CDC45: variants seen among roughly 807,000 people sequenced by gnomAD.
CDC45 encodes cell division control protein 45 homolog.
A neutral mutation model predicts 77.8 loss-of-function variants in CDC45; 54 were observed. That is an observed-to-expected ratio of 0.69 (90% CI 0.56 to 0.87). The LOEUF (loss-of-function observed/expected upper bound fraction) is 0.87. CDC45 is among the 40% of genes least tolerant of loss of function. The pLI, the probability that CDC45 is intolerant of heterozygous loss-of-function variation, is 0.00. For missense variants in CDC45, 649 were observed against 721.6 expected (o/e 0.90, Z 1.15); for synonymous variants, 260 against 272.1 (o/e 0.96, Z 0.44).
At position 19,516,653 on chromosome 22, in the gene CDC45, G is replaced by T; in HGVS notation, c.1559+8G>T. On this transcript the variant is annotated splice_region_variant and intron_variant, in intron 16 of 18. Transcript: ENST00000263201. The stretch of plus-strand genomic sequence containing the variant: ...CAGCTCGGACAGGAAGAAGTGAGCA[G>T]CTTCCACTCGTCCTGGGACTGGAGG... 1 of 1,599,876 alleles carries T rather than the reference G, an allele frequency of 6.3e-7. No individual in the cohort carries two copies. Among genetic ancestry groups the T allele is most frequent in the South Asian group, 1.1e-5 (1 of 90,794 alleles).
chr22:19,491,832 CT>C (rs987000040), intron 5 of CDC45, among the ~76,000 whole-genome samples: 195 of 144,906 alleles, frequency 1.3e-3, no homozygotes, highest in Non-Finnish European at 1.3e-3. Context: ...AGGTTTATGT[CT>C]TTTTTTTTTT....
rs2146446678 is a variant in CDC45 at position 19,516,814 on chromosome 22, C to T, written c.1560-3C>T. 1.2e-6 allele frequency: 2 copies of T among 1,613,996 alleles called. No individual in the cohort carries two copies. Among genetic ancestry groups the T allele is most frequent in the Non-Finnish European group, 1.7e-6 (2 of 1,179,864 alleles). On this transcript the variant is annotated splice_polypyrimidine_tract_variant and splice_region_variant and intron_variant, in intron 16 of 18. Coordinates refer to ENST00000263201, the MANE Select transcript of CDC45 (RefSeq NM_003504.5). ...GCCCCCGACATGTCTTGTGTGTCAG[C>T]AGCTTTTTTGGGAGGGCGTTTGAGA... is the stretch of plus-strand genomic sequence containing the variant.
chr22:19,519,880 GTT>G (rs539121841), intron 18 of CDC45, among the ~76,000 whole-genome samples: 386 of 152,254 alleles, frequency 2.5e-3, no homozygotes, highest in Middle Eastern at 0.02. Context: ...GACCCTCGGG[GTT>G]TTTGGCAAGT....
In CDC45 at chr22:19,505,099, G is replaced by A. The variant is rs1032268071; in HGVS notation, c.705-263G>A. ...TGGCTGTATGGGCTGTGGCCTCTGC[G>A]GTGCCCATTCTCAGGAGGTGTGAGA... On this transcript the variant is annotated intron_variant, in intron 9 of 18. Transcript: ENST00000263201. 3.5e-5 allele frequency: 17 copies of A among 488,770 alleles called. No homozygotes were observed. In the East Asian group the frequency reaches 4.5e-4, roughly 13 times the overall value. 30.3% of individuals were successfully genotyped at this position (488,770 alleles called of 1,614,324 possible). A position where few individuals can be genotyped will look rare whatever the true frequency, so the allele number is the denominator to read the frequency against.
At chr22:19,510,012 A>G (rs899896353) in intron 13 of CDC45, among the ~76,000 whole-genome samples, 2 of 152,142 alleles carry the variant, frequency 1.3e-5, no homozygotes, top group Non-Finnish European at 2.9e-5. Flanking sequence ...CCCAGGGTGG[A>G]ATGCAATGGC....
Position 19,518,848 on chromosome 22 carries a change from T to G in CDC45, c.1641T>G (p.Ile547Met), listed in dbSNP as rs200408376. Residue 547 changes from isoleucine (I) to methionine (M), a missense_variant, in exon 18 of 19, where the codon ATT becomes ATG. Ile to Met is a conservative substitution (Grantham distance 10). Transcript: ENST00000263201. ...MLHNHFDLSVIELKAEDRSKF... is the reference protein window; with the variant it reads ...MLHNHFDLSVMELKAEDRSKF... Reference sequence around the variant, plus strand: ...GTTTTTCTTTCATTACTTCAGTAATTGAGCTGAAAGCTGAGGATCGGAGCA... The same window carrying G: ...GTTTTTCTTTCATTACTTCAGTAATGGAGCTGAAAGCTGAGGATCGGAGCA... 7 of 1,613,890 alleles carry G rather than the reference T, an allele frequency of 4.3e-6. No homozygotes were observed. Among genetic ancestry groups the G allele is most frequent in the African/African-American group, 2.7e-5 (2 of 74,928 alleles).
rs773362010 is a variant in CDC45, at chr22:19,514,738, C to T, written c.1218-11C>T. Reference sequence around the variant, plus strand: ...AAGCACCACCAAAGCCATGTGTCTGCCCTGTTACAGGAGTAACCTGGACAA... The same window carrying T: ...AAGCACCACCAAAGCCATGTGTCTGTCCTGTTACAGGAGTAACCTGGACAA... On this transcript the variant is annotated splice_polypyrimidine_tract_variant and intron_variant, in intron 13 of 18. Transcript: ENST00000263201. 4 of 1,594,290 alleles carry T rather than the reference C, an allele frequency of 2.5e-6. No homozygotes were observed. Among genetic ancestry groups the T allele is most frequent in the Admixed American group, 1.7e-5 (1 of 57,830 alleles).
rs1224070853 is a variant in CDC45, at chr22:19,514,792, A to C, written c.1261A>C (p.Lys421Gln). ...KLYHGLELAK[K>Q]QLRATQQTIA... Reference sequence around the variant, plus strand: ...GTACCATGGCCTGGAACTCGCCAAGAAGCAGCTGCGAGCCACCCAGCAGAC... The same window carrying C: ...GTACCATGGCCTGGAACTCGCCAAGCAGCAGCTGCGAGCCACCCAGCAGAC... Residue 421 changes from lysine to glutamine, a missense_variant, in exon 14 of 19, where the codon AAG (lysine) becomes CAG (glutamine). Physicochemically the swap from Lys to Gln is moderately conservative, Grantham distance 53. Transcript: ENST00000263201. 3 of 1,614,044 alleles carry C rather than the reference A, an allele frequency of 1.9e-6. No individual in the cohort carries two copies. Among genetic ancestry groups the C allele is most frequent in the Admixed American group, 3.3e-5 (2 of 60,020 alleles).
chr22:19,504,283 G>A (rs983240281), intron 9 of CDC45, among the ~76,000 whole-genome samples: 11 of 152,238 alleles, frequency 7.2e-5, no homozygotes, highest in African/African-American at 2.6e-4. Context: ...GTTCTGGGCT[G>A]GGCTTTTTTG....
rs1462986149 is a variant in CDC45, at chr22:19,507,762, C to G, written c.957-4C>G. 1.3e-6 allele frequency: 2 copies of G among 1,588,500 alleles called. No individual in the cohort carries two copies. Among genetic ancestry groups the G allele is most frequent in the South Asian group, 1.1e-5 (1 of 87,056 alleles). ...CTCATGTGGCTTGGGCTTGCTCTTT[C>G]CAGTCTTCCCCTGAAGCAGGTGAAG... On this transcript the variant is annotated splice_region_variant and splice_polypyrimidine_tract_variant and intron_variant, in intron 11 of 18. Transcript: ENST00000263201.
chr22:19,485,058 C>T (rs1025610804), intron 5 of CDC45, among the ~76,000 whole-genome samples: 11 of 152,144 alleles, frequency 7.2e-5, no homozygotes, highest in Non-Finnish European at 5.9e-5. Flanking sequence ...GCACATGCCA[C>T]TACACTCAGC....
Position 19,520,491 on chromosome 22 carries a change from T to C in CDC45, c.*12T>C, listed in dbSNP as rs911771357. 4 of 152,272 alleles carry C rather than the reference T, an allele frequency of 2.6e-5. No individual in the cohort carries two copies. The highest frequency in any genetic ancestry group is 9.6e-5 in the African/African-American group (4 of 41,472). 9.4% of individuals were successfully genotyped at this position (152,272 alleles called of 1,614,324 possible). On this transcript the variant is annotated 3_prime_UTR_variant, in exon 19 of 19. Coordinates refer to ENST00000263201, the MANE Select transcript of CDC45 (RefSeq NM_003504.5). This position sits in a 1 kb window ranked among gnomAD's most constrained non-coding sequence, Gnocchi z 4.5. ...TGTTTTGTTTTCTAGAATTTGATTCTTCCAGAATGACCTTCTTATTTATGT... is the reference window on the plus strand; with the variant it reads ...TGTTTTGTTTTCTAGAATTTGATTCCTCCAGAATGACCTTCTTATTTATGT...
chr22:19,516,460 C>A, intron 15 of CDC45, 67 bp from the exon 16 acceptor site: 1 of 1,318,344 alleles, frequency 7.6e-7, no homozygotes, highest in Non-Finnish European at 1.1e-6. Context: ...CGCTGTTGGG[C>A]TCTGGGCTCT....
At chr22:19,482,578 C>T (rs2089999864) in intron 3 of CDC45, 112 bp from the exon 4 acceptor site, 4 of 1,196,624 alleles carry the variant, frequency 3.3e-6, no homozygotes, top group African/African-American at 1.5e-5. Flanking sequence ...ACGTGGGCCT[C>T]GCCACATGTC....
At chr22:19,509,243 G>A (rs1933384867) in intron 13 of CDC45, among the ~76,000 whole-genome samples, 1 of 152,192 alleles carries the variant, frequency 6.6e-6, no homozygotes, top group Non-Finnish European at 1.5e-5. Context: ...GCGATGCACA[G>A]CTATGGCAAG....
chr22:19,506,761 C>T (rs1282347523), intron 10 of CDC45, among the ~76,000 whole-genome samples: 1 of 152,074 alleles, frequency 6.6e-6, no homozygotes, highest in East Asian at 1.9e-4. Context: ...GGTGAAACCT[C>T]GTTTCTACGA....
intron 5 of CDC45, among the ~76,000 whole-genome samples, chr22:19,489,067 T>A (rs2090116503): frequency 6.6e-6 from 1 of 152,010 alleles, no homozygotes; most frequent in Non-Finnish European, 1.5e-5. Flanking sequence ...TCCCAGCTAC[T>A]TGGGAGGCTG....
chr22:19,505,527 C>G, intron 10 of CDC45, 46 bp downstream of exon 10: 1 of 1,606,256 alleles, frequency 6.2e-7, no homozygotes, highest in Non-Finnish European at 8.5e-7. Context: ...CACCCCTGCT[C>G]AGCAGGCCTT....
intron 15 of CDC45, among the ~76,000 whole-genome samples, chr22:19,515,485 G>T (rs1301852319): frequency 6.6e-6 from 1 of 152,162 alleles, no homozygotes; most frequent in African/African-American, 2.4e-5. Context: ...CTGGCTTTAG[G>T]GCAGGGGTCC....
Sources: allele counts gnomAD v4.1 joint callset (sites outside exome capture counted in the v4.1 genomes callset), GRCh38; gene constraint gnomAD v4.1.1; non-coding constraint Gnocchi (gnomAD v3.1); transcripts MANE v1.5; gene names NCBI Gene and HGNC (gene_info 2026-07-23, HGNC 2026-07-21).